MPPED1: variants seen among roughly 807,000 people sequenced by gnomAD.
The protein encoded by MPPED1 is metallophosphoesterase domain-containing protein 1.
Under a neutral mutation model 36.2 loss-of-function variants are expected in MPPED1, and 16 were observed. The ratio of observed to expected loss-of-function variants is 0.44; its 90% CI spans 0.30 to 0.67. The LOEUF is 0.67. Ranked by LOEUF, MPPED1 falls within the 30% of genes least tolerant of loss-of-function variation. The probability of loss-of-function intolerance (pLI) is 0.10; values close to 1 mark genes in which losing one functional copy is unlikely to be tolerated. For missense variants in MPPED1, 307 were observed against 453.4 expected (o/e 0.68, Z 2.93); for synonymous variants, 199 against 191.3 (o/e 1.04, Z -0.33).
At chr22:43,418,417 G>A in intron 1 of MPPED1, 3 of 315,466 alleles carry the variant, frequency 9.5e-6, no homozygotes, top group South Asian at 7.8e-5. Context: ...ACAGAGAGGG[G>A]CCACCAGAAT....
At chr22:43,418,032 G>A (rs894648543) in intron 1 of MPPED1, 6 of 455,994 alleles carry the variant, frequency 1.3e-5, no homozygotes, top group African/African-American at 4.0e-5. Context: ...ACTGTCATCC[G>A]AGTTTTGGAC....
Position 43,496,303 on chromosome 22 carries a change from GGTA to G in MPPED1, c.633-1929_633-1927del, listed in dbSNP as rs1378319967. On this transcript the variant is annotated intron_variant, in intron 4 of 6. Coordinates refer to ENST00000443721, the MANE Select transcript of MPPED1 (RefSeq NM_001044370.2). ...TGGTGGTGGTGGAGGTGGTGGTGGA[GGTA>G]GTGGTGGCGGAGATGGTGGTGATGG... 3.9e-5 allele frequency among the ~76,000 whole-genome samples: 2 copies of G among 50,706 alleles called. 1 individual carries two copies. Among genetic ancestry groups the G allele is most frequent in the African/African-American group, 4.8e-4 (2 of 4,198 alleles). The allele number at this position is 50,706 out of a possible 152,430, so 33.3% of individuals were successfully genotyped here.
intron 3 of MPPED1, among the ~76,000 whole-genome samples, chr22:43,448,293 C>T (rs1187324567): frequency 6.6e-6 from 1 of 152,144 alleles, no homozygotes; most frequent in African/African-American, 2.4e-5. Flanking sequence ...TAACCACGAG[C>T]CCCCATGTGG....
chr22:43,437,158 A>T (rs1485166709), intron 3 of MPPED1, among the ~76,000 whole-genome samples: 3 of 152,098 alleles, frequency 2.0e-5, no homozygotes, highest in African/African-American at 7.2e-5. Flanking sequence ...TTGGGAACTC[A>T]CCCACTGCAC....
intron 1 of MPPED1, among the ~76,000 whole-genome samples, chr22:43,414,440 A>T (rs576830140): frequency 3.1e-4 from 47 of 152,300 alleles, no homozygotes; most frequent in Non-Finnish European, 5.9e-4. Flanking sequence ...TCTGGAAAAA[A>T]AGAAAACCCT....
At chr22:43,472,951 C>T (rs979406286) in intron 3 of MPPED1, among the ~76,000 whole-genome samples, 4 of 151,034 alleles carry the variant, frequency 2.6e-5, no homozygotes, top group Admixed American at 6.6e-5. Context: ...CTGGAGCTCA[C>T]GTAAGGGCTG....
intron 4 of MPPED1, among the ~76,000 whole-genome samples, chr22:43,494,264 T>C (rs1932187745): frequency 6.6e-6 from 1 of 152,220 alleles, no homozygotes; most frequent in Non-Finnish European, 1.5e-5. Context: ...GGTCTTGCAT[T>C]CGAGGGCTCA....
chr22:43,480,412 A>G (rs1931712764), intron 4 of MPPED1, among the ~76,000 whole-genome samples: 1 of 152,100 alleles, frequency 6.6e-6, no homozygotes, highest in East Asian at 1.9e-4. Flanking sequence ...GTGCTGGTGC[A>G]GTGTCTCTGG....
At chr22:43,426,417 C>T (rs1043863637) in intron 2 of MPPED1, among the ~76,000 whole-genome samples, 5 of 152,096 alleles carry the variant, frequency 3.3e-5, no homozygotes, top group African/African-American at 7.2e-5. Flanking sequence ...GGGGCTGATC[C>T]AGTGCTGTAG....
chr22:43,505,034 A>G (rs892458711), intron 6 of MPPED1, among the ~76,000 whole-genome samples: 2 of 151,878 alleles, frequency 1.3e-5, no homozygotes, highest in Non-Finnish European at 2.9e-5. Context: ...GAAGATGATG[A>G]TAAGGGTGTT....
intron 4 of MPPED1, among the ~76,000 whole-genome samples, chr22:43,483,368 G>A (rs73170005): frequency 0.066 from 9,996 of 152,302 alleles, 377 homozygotes; most frequent in Middle Eastern, 0.1. Context: ...TGATGAGGCT[G>A]GTTCTCCCGT....
chr22:43,424,221 A>T (rs1601946696), intron 1 of MPPED1, among the ~76,000 whole-genome samples: 1 of 152,256 alleles, frequency 6.6e-6, no homozygotes, highest in East Asian at 1.9e-4. Context: ...GAGGCATCGG[A>T]GGAGGTTTTT....
At position 43,432,902 on chromosome 22, in the gene MPPED1, G is replaced by A. The variant is rs1436340508; in HGVS notation, c.225-2132G>A. Among the ~76,000 whole-genome samples the A allele has an allele frequency of 1.8e-4, 12 of 66,266 alleles. 2 individuals carry two copies. The highest frequency in any genetic ancestry group is 3.0e-4 in the African/African-American group (8 of 26,440). 43.5% of individuals were successfully genotyped at this position (66,266 alleles called of 152,430 possible). On this transcript the variant is annotated intron_variant, in intron 2 of 6. Transcript: ENST00000443721. ...GGGAAAGAGAAAGGGAGGAGAGAGA[G>A]AGGGAAAGAGAAAGGGAGGAGAGAG...
intron 6 of MPPED1, among the ~76,000 whole-genome samples, chr22:43,505,127 C>CA (rs2146931338): frequency 6.8e-6 from 1 of 147,360 alleles, no homozygotes; most frequent in African/African-American, 2.5e-5. Flanking sequence ...TAGTGATGAT[C>CA]ACGATAAGGG....
intron 3 of MPPED1, among the ~76,000 whole-genome samples, chr22:43,460,558 A>C (rs1489472458): frequency 6.6e-6 from 1 of 151,940 alleles, no homozygotes; most frequent in East Asian, 1.9e-4. Flanking sequence ...CCCTGCACCA[A>C]GGTTTGTTGT....
intron 3 of MPPED1, among the ~76,000 whole-genome samples, chr22:43,449,985 C>A (rs1019427842): frequency 3.9e-5 from 6 of 152,284 alleles, no homozygotes; most frequent in African/African-American, 7.2e-5. Flanking sequence ...AATGGGCGGG[C>A]CCAGCCGGGT....
intron 5 of MPPED1, among the ~76,000 whole-genome samples, chr22:43,500,215 G>GGGTGGTGGT (rs1569091750): frequency 6.6e-5 from 3 of 45,240 alleles, no homozygotes; most frequent in Admixed American, 2.3e-4. Context: ...GAGGTGGTGG[G>GGGTGGTGGT]GGTGATGGTG....
In MPPED1 at chr22:43,506,881, G is replaced by T. The variant is rs545624849; in HGVS notation, c.*1265G>T. The T allele has an allele frequency of 6.6e-6, 1 of 152,108 alleles. No homozygotes were observed. Among genetic ancestry groups the T allele is most frequent in the Non-Finnish European group, 1.5e-5 (1 of 68,016 alleles). The allele number at this position is 152,108 out of a possible 1,614,324, so 9.4% of individuals were successfully genotyped here. A position where few individuals can be genotyped will look rare whatever the true frequency, so the allele number is the denominator to read the frequency against. ...CATGGACTTTTTCTGCATTTATTTTGATTTTTAACGTTGCATTAAAGTAGT... is the reference window on the plus strand; with the variant it reads ...CATGGACTTTTTCTGCATTTATTTTTATTTTTAACGTTGCATTAAAGTAGT... On this transcript the variant is annotated 3_prime_UTR_variant, in exon 7 of 7. Transcript: ENST00000443721.
In MPPED1 at chr22:43,497,935, G is replaced by GTGTATATATATATATATATATATATA. The variant is rs1555904573; in HGVS notation, c.633-299_633-298insGTATATATATATATATATATATATAT. ...AAGAAGCTGATATATATATGTATAT[G>GTGTATATATATATATATATATATATA]TATATATATATATGTATTTAGCTTT... On this transcript the variant is annotated intron_variant, in intron 4 of 6. Coordinates refer to ENST00000443721, the MANE Select transcript of MPPED1 (RefSeq NM_001044370.2). Among the ~76,000 whole-genome samples, 248 of 128,332 alleles carry GTGTATATATATATATATATATATATA rather than the reference G, an allele frequency of 1.9e-3. 4 individuals are homozygous for GTGTATATATATATATATATATATATA. Among genetic ancestry groups the GTGTATATATATATATATATATATATA allele is most frequent in the African/African-American group, 7.6e-3 (220 of 28,902 alleles). 84.2% of individuals were successfully genotyped at this position (128,332 alleles called of 152,430 possible). A position where few individuals can be genotyped will look rare whatever the true frequency, so the allele number is the denominator to read the frequency against.
Sources: gnomAD v4.1 joint callset for allele counts (sites outside exome capture counted in the v4.1 genomes callset) on GRCh38, gnomAD v4.1.1 for gene constraint, MANE v1.5 for transcripts, NCBI Gene and HGNC (gene_info 2026-07-23, HGNC 2026-07-21) for gene names.